STAG3: variants seen among roughly 807,000 people sequenced by gnomAD.
The protein encoded by STAG3 is STAG3 cohesin complex component.
In STAG3, 101 loss-of-function variants were observed where a neutral mutation model predicts 160.7. That is an observed-to-expected ratio of 0.63 (90% confidence interval 0.54 to 0.74). The LOEUF is 0.74. STAG3 is among the 30% of genes least tolerant of loss of function. The pLI is 0.00. For missense variants in STAG3, 1,188 were observed against 1,517.4 expected (o/e 0.78, Z 3.61); for synonymous variants, 519 against 585.0 (o/e 0.89, Z 1.63).
At chr7:100,187,517 G>T (rs777623995) in intron 5 of STAG3, among the ~76,000 whole-genome samples, 65 of 152,138 alleles carry the variant, frequency 4.3e-4, no homozygotes, top group Non-Finnish European at 7.9e-4. Context: ...ACAGGCCTGG[G>T]TACTTTTGGG....
Position 100,201,074 on chromosome 7 carries a change from C to T in STAG3, c.2062-16C>T. 1 of 1,614,140 alleles carries T rather than the reference C, an allele frequency of 6.2e-7. No individual in the cohort carries two copies. Among genetic ancestry groups the T allele is most frequent in the Non-Finnish European group, 8.5e-7 (1 of 1,180,024 alleles). ...TTCTGGGGGAAATGCTATTGTGGAT[C>T]TTCTTTCCTTCTCAGTCGTCCTTCC... On this transcript the variant is annotated splice_polypyrimidine_tract_variant and intron_variant, in intron 19 of 33. Transcript: ENST00000615138.
downstream of STAG3, chr7:100,218,969 T>A (rs1400207338): frequency 1.3e-5 from 2 of 157,278 alleles, no homozygotes; most frequent in African/African-American, 2.4e-5. Context: ...ATAAGAAGAG[T>A]TGAAAATTCA....
intron 8 of STAG3, among the ~76,000 whole-genome samples, chr7:100,193,116 C>T (rs763074247): frequency 2.5e-4 from 38 of 152,098 alleles, no homozygotes; most frequent in African/African-American, 7.7e-4. Flanking sequence ...TGTCATTGAG[C>T]GGTAATATTT....
At position 100,180,570 on chromosome 7, in the gene STAG3, T is replaced by C. The variant is rs1364262625; in HGVS notation, c.14T>C (p.Leu5Ser). The C allele has an allele frequency of 6.2e-7, 1 of 1,609,310 alleles. No homozygotes were observed. The highest frequency in any genetic ancestry group is 1.7e-5 in the Admixed American group (1 of 59,984). MSSP[L>S]QRAVGDTKRA... ...TCCTCTCCAAGCATGTCTTCCCCGT[T>C]GCAAAGAGCTGTGGGAGATACCAAG... Residue 5 changes from leucine (L) to serine (S), a missense_variant, in exon 2 of 34, where the codon TTG (leucine) becomes TCG (serine). Coordinates refer to ENST00000615138, the MANE Select transcript of STAG3 (RefSeq NM_001282717.2).
At chr7:100,211,751 T>C (rs1293265149) in intron 31 of STAG3, 44 bp from the exon 32 acceptor site, 1 of 1,606,244 alleles carries the variant, frequency 6.2e-7, no homozygotes, top group African/African-American at 1.3e-5. Flanking sequence ...TCAGGGGTCC[T>C]CAAAGAACAG....
chr7:100,186,923 C>T (rs541809675), intron 5 of STAG3, among the ~76,000 whole-genome samples: 1 of 152,292 alleles, frequency 6.6e-6, no homozygotes, highest in South Asian at 2.1e-4. Context: ...GTGGTACCCC[C>T]AGAACTCTTA....
Position 100,211,422 on chromosome 7 carries a change from G to A in STAG3, c.3414-13G>A. 3 of 1,612,434 alleles carry A rather than the reference G, an allele frequency of 1.9e-6. No individual in the cohort carries two copies. The highest frequency in any genetic ancestry group is 2.5e-6 in the Non-Finnish European group (3 of 1,179,328). On this transcript the variant is annotated splice_polypyrimidine_tract_variant and intron_variant, in intron 30 of 33. Coordinates refer to ENST00000615138, the MANE Select transcript of STAG3 (RefSeq NM_001282717.2). ...TGATTTTTATCCCATCATTGATCCT[G>A]CTTCATTCCCAGCAGTCAGCCCGTC... is the stretch of plus-strand genomic sequence containing the variant.
rs775302167 is a variant in STAG3, at chr7:100,188,982, A to G, written c.681A>G (p.Gln227=). The change falls in exon 7 of 34, where the codon CAA becomes CAG. Residue 227 remains glutamine, a synonymous_variant. Coordinates refer to ENST00000615138, the MANE Select transcript of STAG3 (RefSeq NM_001282717.2). ...TGCTCACTGGCCTCTCAGACTCACAAGTCCGCGCCTTCCGTCACACTAGCA... is the reference window on the plus strand; with the variant it reads ...TGCTCACTGGCCTCTCAGACTCACAGGTCCGCGCCTTCCGTCACACTAGCA... ...ISLLTGLSDS[Q]VRAFRHTSTL... 2.3e-5 allele frequency: 37 copies of G among 1,614,052 alleles called. No individual in the cohort carries two copies. The highest frequency in any genetic ancestry group is 1.6e-4 in the Middle Eastern group (1 of 6,084).
chr7:100,199,634 C>A lies in STAG3; in HGVS notation c.1667C>A (p.Thr556Asn). 6.3e-7 allele frequency: 1 copy of A among 1,594,468 alleles called. No homozygotes were observed. The highest frequency in any genetic ancestry group is 8.5e-7 in the Non-Finnish European group (1 of 1,170,402). ...GGGCACCCGCCTGTGGGCCGGGTCACTGGGAGGAAGGTATGGTGTGAGGGT... is the reference window on the plus strand; with the variant it reads ...GGGCACCCGCCTGTGGGCCGGGTCAATGGGAGGAAGGTATGGTGTGAGGGT... ...SEGHPPVGRV[T>N]GRKGLTSKER... The change falls in exon 16 of 34, where the codon ACT becomes AAT. Residue 556 changes from threonine (T) to asparagine (N), a missense_variant. Thr to Asn is a moderately conservative substitution (Grantham distance 65, BLOSUM62 0). Coordinates refer to ENST00000615138, the MANE Select transcript of STAG3 (RefSeq NM_001282717.2).
chr7:100,216,637 A>G (rs997954922), downstream of STAG3, among the ~76,000 whole-genome samples: 1 of 152,074 alleles, frequency 6.6e-6, no homozygotes, highest in Non-Finnish European at 1.5e-5. Flanking sequence ...CGTCTCTACT[A>G]AAAATACAAC....
intron 20 of STAG3, 50 bp downstream of exon 20, chr7:100,201,210 G>T (rs776949726): frequency 1.9e-6 from 3 of 1,613,854 alleles, no homozygotes; most frequent in Non-Finnish European, 2.5e-6. Flanking sequence ...GGTGTCTGTG[G>T]AGTTGGTTCC....
intron 4 of STAG3, among the ~76,000 whole-genome samples, chr7:100,184,029 G>A (rs964273370): frequency 5.9e-5 from 9 of 152,196 alleles, no homozygotes; most frequent in Non-Finnish European, 1.2e-4. Flanking sequence ...ACTTGGGGAG[G>A]CTGAGGCGGG....
Position 100,202,347 on chromosome 7 carries a change from T to C in STAG3, c.2563+7T>C. The C allele has an allele frequency of 6.2e-7, 1 of 1,613,972 alleles. No homozygotes were observed. Among genetic ancestry groups the C allele is most frequent in the African/African-American group, 1.3e-5 (1 of 75,020 alleles). On this transcript the variant is annotated splice_region_variant and intron_variant, in intron 24 of 33. Coordinates refer to ENST00000615138, the MANE Select transcript of STAG3 (RefSeq NM_001282717.2). ...CCGGGAGACCTGGGCAGTGGTGCAG[T>C]GACTCTATACCTGGGGCTCAGTAAG...
In STAG3 at chr7:100,213,799, A is replaced by C; in HGVS notation, c.3665A>C (p.Asp1222Ala). The C allele has an allele frequency of 6.2e-7, 1 of 1,614,222 alleles. No individual in the cohort carries two copies. The highest frequency in any genetic ancestry group is 8.5e-7 in the Non-Finnish European group (1 of 1,180,038). Residue 1222 changes from aspartate (D) to alanine (A), a missense_variant, in exon 33 of 34, where the codon GAT becomes GCT. Around this residue, in one of 4 missense-constraint regions of STAG3, gnomAD observed 647 missense variants for 717.2 expected, o/e 0.90. Coordinates refer to ENST00000615138, the MANE Select transcript of STAG3 (RefSeq NM_001282717.2). ...GACCTCTTAGATTCTACAGAGCTGG[A>C]TATTGAGGTGAGTGTCCCCAGAGCA... The part of the protein sequence containing the change: ...GLDLLDSTEL[D>A]IEDF
At chr7:100,180,283 C>T (rs2117040014) in intron 1 of STAG3, among the ~76,000 whole-genome samples, 1 of 151,866 alleles carries the variant, frequency 6.6e-6, no homozygotes, top group African/African-American at 2.4e-5. Flanking sequence ...TGGTCTTGAA[C>T]TCCTGGGCTC....
chr7:100,193,061 T>C (rs1350804374), intron 8 of STAG3, among the ~76,000 whole-genome samples: 1 of 152,154 alleles, frequency 6.6e-6, no homozygotes, highest in Non-Finnish European at 1.5e-5. Flanking sequence ...GCAACATGGA[T>C]CTCCTTGTAC....
chr7:100,182,230 G>A (rs369173165), intron 3 of STAG3, 38 bp downstream of exon 3: 6 of 1,487,774 alleles, frequency 4.0e-6, no homozygotes, highest in South Asian at 1.1e-5. Flanking sequence ...TGAATCTTGT[G>A]GGGGAAGCAG....
chr7:100,211,325 T>C (rs1802182400), intron 30 of STAG3, 110 bp from the exon 31 acceptor site: 2 of 1,483,038 alleles, frequency 1.3e-6, no homozygotes, highest in South Asian at 2.5e-5. Flanking sequence ...CTCCATTGTT[T>C]AGCTTTAAAA....
intron 29 of STAG3, among the ~76,000 whole-genome samples, chr7:100,208,009 G>A (rs1380924291): frequency 2.6e-5 from 4 of 152,100 alleles, no homozygotes; most frequent in African/African-American, 7.2e-5. Context: ...CCAGCCACTC[G>A]GGAGGCTGAG....
Sources: allele counts gnomAD v4.1 joint callset (sites outside exome capture counted in the v4.1 genomes callset), GRCh38; gene constraint gnomAD v4.1.1; regional missense constraint gnomAD v4.1.1; transcripts MANE v1.5; gene names NCBI Gene and HGNC (gene_info 2026-07-23, HGNC 2026-07-21).